The following RAB30 variants were observed in gnomAD, a reference collection of about 807,000 sequenced individuals.
The protein encoded by RAB30 is RAB30, member RAS oncogene family, also known as ras-related protein Rab-30.
Under a neutral mutation model 25.1 loss-of-function variants are expected in RAB30, and 9 were observed. The ratio of observed to expected loss-of-function variants is 0.36; its 90% CI spans 0.22 to 0.63. The LOEUF is 0.63. RAB30 is among the 20% of genes least tolerant of loss of function. The pLI is 0.69. For missense variants in RAB30, 140 were observed against 243.5 expected (o/e 0.58, Z 2.83); for synonymous variants, 77 against 86.4 (o/e 0.89, Z 0.60).
In RAB30 at chr11:83,000,218, T is replaced by C. The variant is rs544881386; in HGVS notation, c.-8-2894A>G. ...CCAGATAATCTGGCTGTCACATTCATGTCCTTGAACCACTACCCAAGTGCC... is the reference window on the plus strand; with the variant it reads ...CCAGATAATCTGGCTGTCACATTCACGTCCTTGAACCACTACCCAAGTGCC... On this transcript the variant is annotated intron_variant, in intron 1 of 4. Coordinates refer to ENST00000527633, the MANE Select transcript of RAB30 (RefSeq NM_001286060.2). Among the ~76,000 whole-genome samples, 3 of 152,328 alleles carry C rather than the reference T, an allele frequency of 2.0e-5. 1 individual carries two copies. In the East Asian group the frequency reaches 5.8e-4, roughly 29 times the overall value.
At position 82,997,256 on chromosome 11, in the gene RAB30, C is replaced by G; in HGVS notation, c.61G>C (p.Gly21Arg). ...KIVLIGNAGV[G>R]KTCLVRRFTQ... Reference sequence around the variant, plus strand: ...AATCTTCGGACGAGGCACGTCTTCCCCACACCAGCGTTGCCAATTAAAACA... The same window carrying G: ...AATCTTCGGACGAGGCACGTCTTCCGCACACCAGCGTTGCCAATTAAAACA... Residue 21 changes from glycine (G) to arginine (R), a missense_variant, in exon 2 of 5, where the codon GGG (glycine) becomes CGG (arginine). Coordinates refer to ENST00000527633, the MANE Select transcript of RAB30 (RefSeq NM_001286060.2). 6.2e-7 allele frequency: 1 copy of G among 1,612,736 alleles called. No homozygotes were observed. Among genetic ancestry groups the G allele is most frequent in the Non-Finnish European group, 8.5e-7 (1 of 1,178,764 alleles).
chr11:83,007,723 C>T (rs953394947), intron 1 of RAB30, among the ~76,000 whole-genome samples: 4 of 152,202 alleles, frequency 2.6e-5, no homozygotes, highest in African/African-American at 4.8e-5. Flanking sequence ...TAATTTGTTT[C>T]GTACCACAGC....
chr11:83,056,800 A>T (rs1212572708), intron 1 of RAB30, among the ~76,000 whole-genome samples: 2 of 152,234 alleles, frequency 1.3e-5, no homozygotes, highest in Non-Finnish European at 2.9e-5. Flanking sequence ...AAATTAAATG[A>T]TATAACATGT....
In RAB30 at chr11:82,987,605, C is replaced by T; in HGVS notation, c.343G>A (p.Val115Ile). 7 of 1,612,650 alleles carry T rather than the reference C, an allele frequency of 4.3e-6. No individual in the cohort carries two copies. The highest frequency in any genetic ancestry group is 5.9e-6 in the Non-Finnish European group (7 of 1,179,182). The change falls in exon 4 of 5, where the codon GTC (valine) becomes ATC (isoleucine). Residue 115 changes from valine (V) to isoleucine (I), a missense_variant. Physicochemically the swap from Val to Ile is conservative, Grantham distance 29. Coordinates refer to ENST00000527633, the MANE Select transcript of RAB30 (RefSeq NM_001286060.2). ...REIEQYASNK[V>I]ITVLVGNKID... is the part of the protein sequence containing the mutation. ...TACTTACCCACTAACACAGTGATGA[C>T]CTTGTTGCTGGCATATTGTTCTATC...
intron 1 of RAB30, among the ~76,000 whole-genome samples, chr11:83,000,979 A>G (rs10898070): frequency 0.58 from 86,395 of 148,124 alleles, 25,615 homozygotes; most frequent in African/African-American, 0.72. Context: ...CCCAGAAGGC[A>G]GAGCTTGCAG....
At position 82,997,251 on chromosome 11, in the gene RAB30, C is replaced by CT. The variant is rs1219887780; in HGVS notation, c.65dup (p.Thr23AspfsTer23). 1 of 1,612,456 alleles carries CT rather than the reference C, an allele frequency of 6.2e-7. No homozygotes were observed. The highest frequency in any genetic ancestry group is 8.5e-7 in the Non-Finnish European group (1 of 1,178,466). The stretch of plus-strand genomic sequence containing the variant: ...GAGTGAATCTTCGGACGAGGCACGT[C>CT]TTCCCCACACCAGCGTTGCCAATTA... On this transcript the variant is annotated frameshift_variant, in exon 2 of 5. Transcript: ENST00000527633. LOFTEE classifies it high-confidence loss of function.
chr11:83,053,412 T>A (rs1858396382), intron 1 of RAB30, among the ~76,000 whole-genome samples: 1 of 152,258 alleles, frequency 6.6e-6, no homozygotes, highest in South Asian at 2.1e-4. Context: ...AATTTCTTAG[T>A]ATTGAAATTG....
intron 1 of RAB30, among the ~76,000 whole-genome samples, chr11:83,056,616 G>C (rs1363723103): frequency 6.6e-6 from 1 of 152,120 alleles, no homozygotes; most frequent in Non-Finnish European, 1.5e-5. Context: ...GTGAAAAAAT[G>C]AATCATCTTC....
chr11:83,061,213 CCTCTCT>C (rs151314585), intron 1 of RAB30, among the ~76,000 whole-genome samples: 6 of 149,452 alleles, frequency 4.0e-5, no homozygotes, highest in Admixed American at 6.7e-5. Flanking sequence ...TCTCTTCCCA[CCTCTCT>C]CTCTCTCTCT....
intron 1 of RAB30, among the ~76,000 whole-genome samples, chr11:83,007,255 G>A (rs1035415202): frequency 5.3e-5 from 8 of 152,220 alleles, no homozygotes; most frequent in African/African-American, 1.9e-4. Context: ...ACTGTCAGGG[G>A]TGGCTGGCAT....
intron 1 of RAB30, among the ~76,000 whole-genome samples, chr11:83,060,460 A>G (rs1242428647): frequency 6.6e-6 from 1 of 152,188 alleles, no homozygotes; most frequent in African/African-American, 2.4e-5. Context: ...TTCAATGGAG[A>G]GATCTGGCAA....
At chr11:83,011,262 T>C (rs916250369) in intron 1 of RAB30, among the ~76,000 whole-genome samples, 1 of 152,266 alleles carries the variant, frequency 6.6e-6, no homozygotes, top group Non-Finnish European at 1.5e-5. Context: ...TTTTCCCATG[T>C]ACTGGCTGGT....
intron 1 of RAB30, among the ~76,000 whole-genome samples, chr11:83,000,455 T>C (rs1425132147): frequency 2.0e-5 from 3 of 152,120 alleles, no homozygotes; most frequent in African/African-American, 7.2e-5. Context: ...TCAATAACGC[T>C]ATTAGAAAGA....
At chr11:83,045,304 T>A (rs572511099) in intron 1 of RAB30, among the ~76,000 whole-genome samples, 24 of 151,984 alleles carry the variant, frequency 1.6e-4, no homozygotes, top group Non-Finnish European at 2.5e-4. Flanking sequence ...ATATATATAT[T>A]TTTTTTCCTA....
chr11:83,004,854 C>T (rs1387600563), intron 1 of RAB30, among the ~76,000 whole-genome samples: 1 of 152,018 alleles, frequency 6.6e-6, no homozygotes, highest in Non-Finnish European at 1.5e-5. Context: ...GAATTGAAAG[C>T]CTTTCATCCA....
chr11:82,995,742 G>A (rs1842502286), intron 2 of RAB30, among the ~76,000 whole-genome samples: 1 of 152,206 alleles, frequency 6.6e-6, no homozygotes, highest in African/African-American at 2.4e-5. Context: ...AAGTTAGAAT[G>A]TATAGGAGAC....
chr11:83,051,014 A>G (rs371575629), intron 1 of RAB30, among the ~76,000 whole-genome samples: 29 of 152,208 alleles, frequency 1.9e-4, no homozygotes, highest in Admixed American at 1.7e-3. Flanking sequence ...CTTCCTGGGC[A>G]AACAGGCCTT....
intron 1 of RAB30, among the ~76,000 whole-genome samples, chr11:83,044,548 T>C (rs957380341): frequency 1.3e-5 from 2 of 152,188 alleles, no homozygotes; most frequent in East Asian, 1.9e-4. Context: ...TACAAGTCTG[T>C]TCAAAGATCT....
chr11:82,997,031 T>G (rs559731143), intron 2 of RAB30, among the ~76,000 whole-genome samples, 193 bp downstream of exon 2: 2 of 152,254 alleles, frequency 1.3e-5, no homozygotes, highest in East Asian at 3.9e-4. Flanking sequence ...AGGGCCATGC[T>G]CCCGTGAGGT....
Sources: allele counts gnomAD v4.1 joint callset (sites outside exome capture counted in the v4.1 genomes callset), GRCh38; gene constraint gnomAD v4.1.1; transcripts MANE v1.5; gene names NCBI Gene and HGNC (gene_info 2026-07-23, HGNC 2026-07-21).